The following FNIP2 variants were observed in gnomAD, a reference collection of about 807,000 sequenced individuals.
The protein encoded by FNIP2 is folliculin interacting protein 2, also known as folliculin-interacting protein 2.
In FNIP2, 32 loss-of-function variants were observed where a neutral mutation model predicts 108.7. The ratio of observed to expected loss-of-function variants is 0.29; its 90% CI spans 0.22 to 0.40. The LOEUF (loss-of-function observed/expected upper bound fraction) is 0.40, where lower values mean the gene tolerates loss of function less well. FNIP2 is among the 10% of genes least tolerant of loss of function. FNIP2 has a pLI of 1.00. For missense variants in FNIP2, 1,202 were observed against 1,381.6 expected (o/e 0.87, Z 2.06); for synonymous variants, 480 against 496.7 (o/e 0.97, Z 0.45).
intron 1 of FNIP2, among the ~76,000 whole-genome samples, chr4:158,782,710 A>G (rs1776093946): frequency 6.6e-6 from 1 of 152,148 alleles, no homozygotes; most frequent in Non-Finnish European, 1.5e-5. Context: ...TTTTACAAAC[A>G]GAAAAGGGAG....
intron 16 of FNIP2, among the ~76,000 whole-genome samples, chr4:158,900,076 T>G (rs746361207): frequency 3.9e-5 from 6 of 152,088 alleles, no homozygotes; most frequent in Non-Finnish European, 5.9e-5. Context: ...CAAAGAACTT[T>G]TATTTCTGCC....
intron 14 of FNIP2, among the ~76,000 whole-genome samples, chr4:158,873,908 G>A (rs545560319): frequency 5.9e-5 from 9 of 152,300 alleles, no homozygotes; most frequent in African/African-American, 7.2e-5. Flanking sequence ...AGGCGTATGC[G>A]CCAGCAGCAT....
chr4:158,785,104 T>TTTTTTG (rs1776180899), intron 1 of FNIP2, among the ~76,000 whole-genome samples: 1 of 150,370 alleles, frequency 6.7e-6, no homozygotes, highest in Non-Finnish European at 1.5e-5. Context: ...TTTTTTTTTT[T>TTTTTTG]GAGCCAGAGT....
chr4:158,784,947 C>T (rs751063845), intron 1 of FNIP2, among the ~76,000 whole-genome samples: 32 of 152,282 alleles, frequency 2.1e-4, no homozygotes, highest in Middle Eastern at 3.4e-3. Flanking sequence ...GTATGTATGT[C>T]CCTGTAGTGT....
At chr4:158,813,144 A>G (rs1333056728) in intron 1 of FNIP2, among the ~76,000 whole-genome samples, 6 of 152,094 alleles carry the variant, frequency 3.9e-5, no homozygotes, top group Non-Finnish European at 7.4e-5. Context: ...GGTCGCTTCT[A>G]TGTTTTGGCA....
chr4:158,893,530 C>T (rs2126775567), intron 15 of FNIP2: 2 of 560,122 alleles, frequency 3.6e-6, no homozygotes, highest in East Asian at 5.6e-5. Context: ...AGACTGACAA[C>T]ACCTTTTTTC....
chr4:158,810,554 T>C (rs1777214730), intron 1 of FNIP2, among the ~76,000 whole-genome samples: 1 of 152,206 alleles, frequency 6.6e-6, no homozygotes, highest in Non-Finnish European at 1.5e-5. Flanking sequence ...AGGAATGCAG[T>C]GTTGTGTCTG....
At chr4:158,801,714 G>A (rs1369626199) in intron 1 of FNIP2, among the ~76,000 whole-genome samples, 1 of 152,170 alleles carries the variant, frequency 6.6e-6, no homozygotes, top group Non-Finnish European at 1.5e-5. Context: ...CTACCTACCA[G>A]TATTTTCTAC....
At chr4:158,792,304 G>C (rs1279196138) in intron 1 of FNIP2, among the ~76,000 whole-genome samples, 1 of 152,044 alleles carries the variant, frequency 6.6e-6, no homozygotes, top group East Asian at 1.9e-4. Context: ...AAGTCAAACA[G>C]GGTAACCCTC....
rs1777591211 is a variant in FNIP2, at chr4:158,816,708, C to A, written c.108-9208C>A. Among the ~76,000 whole-genome samples, 4 of 151,538 alleles carry A rather than the reference C, an allele frequency of 2.6e-5. No individual in the cohort carries two copies. In the South Asian group the frequency reaches 8.4e-4, roughly 32 times the overall value. Reference sequence around the variant, plus strand: ...GCTGAGGCAGGAGAATCGCATGAACCCAGGAGGTGGAGGTTGCAGTGAGCC... The same window carrying A: ...GCTGAGGCAGGAGAATCGCATGAACACAGGAGGTGGAGGTTGCAGTGAGCC... On this transcript the variant is annotated intron_variant, in intron 1 of 16. Coordinates refer to ENST00000264433, the MANE Select transcript of FNIP2 (RefSeq NM_020840.3).
At chr4:158,810,126 A>G (rs1777192172) in intron 1 of FNIP2, among the ~76,000 whole-genome samples, 1 of 152,238 alleles carries the variant, frequency 6.6e-6, no homozygotes, top group African/African-American at 2.4e-5. Context: ...TCTGAAGAGT[A>G]TAATAAAAGG....
At chr4:158,769,348 C>T (rs1333505907) in intron 1 of FNIP2, 29 bp downstream of exon 1, 1 of 1,437,462 alleles carries the variant, frequency 7.0e-7, no homozygotes, top group Non-Finnish European at 9.2e-7. Flanking sequence ...GCAATTCTGG[C>T]GCGGGACCCG....
At chr4:158,782,323 C>A (rs1212945469) in intron 1 of FNIP2, among the ~76,000 whole-genome samples, 7 of 152,116 alleles carry the variant, frequency 4.6e-5, no homozygotes, top group African/African-American at 1.7e-4. Context: ...TACGTGTATT[C>A]CCCAGTCTTC....
At chr4:158,864,501 A>T (rs149637729) in intron 12 of FNIP2, among the ~76,000 whole-genome samples, 58 of 152,324 alleles carry the variant, frequency 3.8e-4, no homozygotes, top group African/African-American at 1.3e-3. Context: ...ATCAGGAATA[A>T]GTGTGCCTTT....
chr4:158,825,797 C>T, intron 1 of FNIP2, 119 bp from the exon 2 acceptor site: 1 of 1,217,126 alleles, frequency 8.2e-7, no homozygotes, highest in Non-Finnish European at 1.2e-6. Flanking sequence ...GATCACTAGC[C>T]CTGCATGCTT....
intron 14 of FNIP2, among the ~76,000 whole-genome samples, chr4:158,888,432 C>T (rs538183747): frequency 6.6e-6 from 1 of 152,290 alleles, no homozygotes; most frequent in South Asian, 2.1e-4. Flanking sequence ...CAGCAAGTAA[C>T]ATTTTTCAAA....
intron 1 of FNIP2, among the ~76,000 whole-genome samples, chr4:158,781,380 G>A (rs59682514): frequency 0.059 from 8,952 of 152,246 alleles, 332 homozygotes; most frequent in African/African-American, 0.1. Context: ...CATTTGGACC[G>A]AATTGTGCAA....
Position 158,861,390 on chromosome 4 carries a change from A to G in FNIP2, c.1197A>G (p.Val399=), listed in dbSNP as rs928457523. 17 of 1,613,910 alleles carry G rather than the reference A, an allele frequency of 1.1e-5. No individual in the cohort carries two copies. Among genetic ancestry groups the G allele is most frequent in the South Asian group, 2.2e-5 (2 of 91,086 alleles). Residue 399 remains valine (V), a synonymous_variant, in exon 11 of 17, where the codon GTA becomes GTG. Coordinates refer to ENST00000264433, the MANE Select transcript of FNIP2 (RefSeq NM_020840.3). Reference sequence around the variant, plus strand: ...CTGTTCCAAGGATAGCTGAACCTGTATGGCTTACTATGATGTCCGGCACTT... The same window carrying G: ...CTGTTCCAAGGATAGCTGAACCTGTGTGGCTTACTATGATGTCCGGCACTT... The part of the protein sequence containing the change: ...LYSVPRIAEP[V]WLTMMSGTLE...
Position 158,897,522 on chromosome 4 carries a change from G to A in FNIP2, c.3266+1657G>A, listed in dbSNP as rs866639416. On this transcript the variant is annotated intron_variant, in intron 16 of 16. Transcript: ENST00000264433. ...GCATTTGTTTTTTCCTGACTTTTTA[G>A]TGATTGCCGTTCTAACTGGTGTGAG... Among the ~76,000 whole-genome samples, 62 of 152,148 alleles carry A rather than the reference G, an allele frequency of 4.1e-4. 1 individual carries two copies. The highest frequency in any genetic ancestry group is 1.5e-3 in the African/African-American group (61 of 41,520).
Sources: gnomAD v4.1 joint callset for allele counts (sites outside exome capture counted in the v4.1 genomes callset) on GRCh38, gnomAD v4.1.1 for gene constraint, MANE v1.5 for transcripts, NCBI Gene and HGNC (gene_info 2026-07-23, HGNC 2026-07-21) for gene names.